The following SCHIP1 variants were observed in gnomAD, a reference collection of about 807,000 sequenced individuals.
The protein encoded by SCHIP1 is schwannomin-interacting protein 1.
SCHIP1 carries 8 observed loss-of-function variants against 29.7 expected under a neutral mutation model. The observed-to-expected ratio is 0.27, with a 90% CI of 0.16 to 0.49. The LOEUF is 0.49. SCHIP1 is among the 20% of genes least tolerant of loss of function. The probability of loss-of-function intolerance (pLI) is 0.99; values close to 1 mark genes in which losing one functional copy is unlikely to be tolerated. For missense variants in SCHIP1, 193 were observed against 294.6 expected (o/e 0.66, Z 2.52); for synonymous variants, 76 against 94.9 (o/e 0.80, Z 1.16).
chr3:159,406,305 A>G, the SCHIP1 span, among the ~76,000 whole-genome samples: 1 of 152,194 alleles, frequency 6.6e-6, no homozygotes, highest in Non-Finnish European at 1.5e-5. Context: ...GGGCAGGAGA[A>G]GGTGGCATGA....
At chr3:159,726,562 A>G in the SCHIP1 span, among the ~76,000 whole-genome samples, 1 of 152,240 alleles carries the variant, frequency 6.6e-6, no homozygotes, top group African/African-American at 2.4e-5. Flanking sequence ...ACTTTCCAGA[A>G]GAATCTAAAG....
the SCHIP1 span, among the ~76,000 whole-genome samples, chr3:159,828,418 C>T: frequency 0.1 from 4,694 of 46,458 alleles, 664 homozygotes; most frequent in African/African-American, 0.36. Flanking sequence ...CGTATATATA[C>T]GTATATATAT....
chr3:159,441,076 T>C, the SCHIP1 span, among the ~76,000 whole-genome samples: 1 of 152,202 alleles, frequency 6.6e-6, no homozygotes, highest in East Asian at 1.9e-4. Flanking sequence ...CCCAAAAATC[T>C]GTCTTTCCCA....
In SCHIP1 at chr3:159,865,023, C is replaced by T. The variant is rs551526916; in HGVS notation, c.31-1140C>T. ...CTTGGGAATGAAATTATTTTCAGTG[C>T]GCCCTTCCCACAGGCTATGCATTTT... On this transcript the variant is annotated intron_variant, in intron 1 of 6. Transcript: ENST00000445224. Among the ~76,000 whole-genome samples the T allele has an allele frequency of 7.9e-5, 12 of 152,260 alleles. No individual in the cohort carries two copies. The East Asian group carries it at 9.6e-4, about 12-fold the overall frequency.
At chr3:159,429,544 T>G in the SCHIP1 span, among the ~76,000 whole-genome samples, 2 of 152,288 alleles carry the variant, frequency 1.3e-5, no homozygotes, top group Admixed American at 6.5e-5. Flanking sequence ...TAATGAAAAT[T>G]CATGCTTGCA....
the SCHIP1 span, among the ~76,000 whole-genome samples, chr3:159,635,413 G>A: frequency 6.6e-6 from 1 of 152,290 alleles, no homozygotes; most frequent in East Asian, 1.9e-4. Flanking sequence ...AATTGACATG[G>A]AAGTATTTTA....
intron 1 of SCHIP1, among the ~76,000 whole-genome samples, chr3:159,847,800 A>G (rs1158260392): frequency 6.6e-6 from 1 of 152,200 alleles, no homozygotes; most frequent in Non-Finnish European, 1.5e-5. Context: ...CTATACAGCA[A>G]AGTCCTTTAA....
the SCHIP1 span, among the ~76,000 whole-genome samples, chr3:159,602,810 T>C: frequency 2.0e-4 from 31 of 152,046 alleles, no homozygotes; most frequent in African/African-American, 6.5e-4. Context: ...TCCTATACTC[T>C]CACTCAACAA....
chr3:159,423,593 G>A, the SCHIP1 span, among the ~76,000 whole-genome samples: 2,480 of 152,312 alleles, frequency 0.016, 57 homozygotes, highest in African/African-American at 0.056. Context: ...GCTCAAGGAG[G>A]CCTGCCTGCC....
chr3:159,402,112 T>C, the SCHIP1 span, among the ~76,000 whole-genome samples: 1 of 152,088 alleles, frequency 6.6e-6, no homozygotes, highest in Admixed American at 6.6e-5. Context: ...CATCAAAAAG[T>C]GGACGAAGGA....
chr3:159,306,730 T>C, the SCHIP1 span: 1 of 184,788 alleles, frequency 5.4e-6, no homozygotes, highest in Admixed American at 6.5e-5. Flanking sequence ...TCTACCTTAG[T>C]AGAAGTAAGT....
the SCHIP1 span, among the ~76,000 whole-genome samples, chr3:159,794,543 C>T: frequency 2.0e-5 from 3 of 152,104 alleles, no homozygotes; most frequent in African/African-American, 4.8e-5. Flanking sequence ...GTGTGTTAGA[C>T]CCCCCTACAT....
chr3:159,755,015 C>T, the SCHIP1 span, among the ~76,000 whole-genome samples: 2 of 152,194 alleles, frequency 1.3e-5, no homozygotes, highest in Non-Finnish European at 2.9e-5. Context: ...GTGGGTGGAT[C>T]ACAAGGTCAG....
chr3:159,337,244 T>C, the SCHIP1 span, among the ~76,000 whole-genome samples: 1 of 152,136 alleles, frequency 6.6e-6, no homozygotes, highest in African/African-American at 2.4e-5. Flanking sequence ...AATATCATAC[T>C]GAATGGGCAA....
At chr3:159,507,877 TA>T in the SCHIP1 span, among the ~76,000 whole-genome samples, 1 of 152,254 alleles carries the variant, frequency 6.6e-6, no homozygotes, top group Non-Finnish European at 1.5e-5. Flanking sequence ...GCCAGTATTT[TA>T]TTGAGGATTT....
chr3:159,435,031 T>C, the SCHIP1 span, among the ~76,000 whole-genome samples: 118 of 152,308 alleles, frequency 7.7e-4, 1 homozygote, highest in East Asian at 0.022. Context: ...CAAGCAGCTT[T>C]CATTTCTGTG....
chr3:159,654,409 T>G, the SCHIP1 span, among the ~76,000 whole-genome samples: 1 of 152,204 alleles, frequency 6.6e-6, no homozygotes, highest in African/African-American at 2.4e-5. Flanking sequence ...CTTCAGTTTC[T>G]GCACCTATAA....
chr3:159,895,409 C>G (rs1006233658), intron 6 of SCHIP1, among the ~76,000 whole-genome samples: 6 of 152,224 alleles, frequency 3.9e-5, no homozygotes, highest in Admixed American at 1.3e-4. Context: ...GCAGCACACA[C>G]AAACTATTCC....
chr3:159,439,706 C>G, the SCHIP1 span, among the ~76,000 whole-genome samples: 31 of 152,222 alleles, frequency 2.0e-4, no homozygotes, highest in South Asian at 6.4e-3. Context: ...CTATTCATGT[C>G]CTTTCCCCAC....
Sources: allele counts gnomAD v4.1 joint callset (sites outside exome capture counted in the v4.1 genomes callset), GRCh38; gene constraint gnomAD v4.1.1; transcripts MANE v1.5; gene names NCBI Gene and HGNC (gene_info 2026-07-23, HGNC 2026-07-21).